The following INTS1 variants were observed in gnomAD, a reference collection of about 807,000 sequenced individuals.
INTS1 encodes the protein integrator complex subunit 1.
INTS1 carries 137 observed loss-of-function variants against 241.6 expected under a neutral mutation model. The observed-to-expected ratio is 0.57, with a 90% CI of 0.49 to 0.65. The LOEUF is 0.65. INTS1 is among the 30% of genes least tolerant of loss of function. INTS1 has a pLI of 0.00. For synonymous variants in INTS1, 1,692 were observed against 1,337.8 expected (o/e 1.26, Z -5.78); for missense variants, 3,073 against 3,032.2 (o/e 1.01, Z -0.32).
chr7:1,492,900 A>ATG, intron 16 of INTS1, 110 bp downstream of exon 16: 7 of 436,078 alleles, frequency 1.6e-5, no homozygotes, highest in South Asian at 7.7e-5. Context: ...AGCGGGGCGC[A>ATG]GGCTTACCCG....
rs1263058597 is a variant in INTS1 at position 1,483,730 on chromosome 7, G to T, written c.3541+12C>A. 14 of 1,605,590 alleles carry T rather than the reference G, an allele frequency of 8.7e-6. No homozygotes were observed. Among genetic ancestry groups the T allele is most frequent in the Non-Finnish European group, 1.1e-5 (13 of 1,176,150 alleles). ...CACGAAGCTGCCCCTCCCGGGGCCT[G>T]TGGCGGCTCACCTCGAGGCGGGCCC... is the stretch of plus-strand genomic sequence containing the variant. On this transcript the variant is annotated intron_variant, in intron 26 of 47. Transcript: ENST00000404767.
chr7:1,480,447 G>A lies in INTS1; in HGVS notation c.3950-6C>T, dbSNP rs201399039. 176 of 1,611,820 alleles carry A rather than the reference G, an allele frequency of 1.1e-4. 1 individual carries two copies. In the Admixed American group the frequency reaches 2.8e-3, roughly 26 times the overall value. Reference sequence around the variant, plus strand: ...TTTGGGTGCCTCTGTGCTGTCTGCAGAGACAGGAGAACTGTCAGTGGCTGG... The same window carrying A: ...TTTGGGTGCCTCTGTGCTGTCTGCAAAGACAGGAGAACTGTCAGTGGCTGG... On this transcript the variant is annotated splice_region_variant and splice_polypyrimidine_tract_variant and intron_variant, in intron 29 of 47. Transcript: ENST00000404767.
chr7:1,475,570 G>A lies in INTS1; in HGVS notation c.5502+378C>T, dbSNP rs528207525. ...GGGAGGCCCAGCTCTCCCCACCAGG[G>A]TCACTGGAGAGGAGCAGACGCAGCC... On this transcript the variant is annotated intron_variant, in intron 39 of 47. Transcript: ENST00000404767. 5.9e-4 allele frequency among the ~76,000 whole-genome samples: 90 copies of A among 152,270 alleles called. 1 individual carries two copies. Among genetic ancestry groups the A allele is most frequent in the African/African-American group, 1.9e-3 (81 of 41,570 alleles).
At chr7:1,489,534 A>T in intron 17 of INTS1, 57 bp downstream of exon 17, 1 of 1,521,722 alleles carries the variant, frequency 6.6e-7, no homozygotes, top group Non-Finnish European at 8.9e-7. Context: ...AACTGCCCCA[A>T]AGGAATAAGG....
At position 1,477,912 on chromosome 7, in the gene INTS1, C is replaced by A; in HGVS notation, c.4655G>T (p.Arg1552Met). 6.2e-7 allele frequency: 1 copy of A among 1,612,592 alleles called. No individual in the cohort carries two copies. The highest frequency in any genetic ancestry group is 8.5e-7 in the Non-Finnish European group (1 of 1,179,828). ...SKVLQGLIEV[R>M]SPHLEELLTA... ...CAGCAGCTCCTCCAGGTGGGGGGAC[C>A]TCACCTCGATCAGCCCCTGGAGGAC... The change falls in exon 34 of 48, where the codon AGG becomes ATG. Residue 1552 changes from arginine (R) to methionine (M), a missense_variant. Arg to Met is a moderately conservative substitution (Grantham distance 91). Transcript: ENST00000404767.
intron 40 of INTS1, 78 bp from the exon 41 acceptor site, chr7:1,474,438 C>T: frequency 1.4e-6 from 2 of 1,432,354 alleles, no homozygotes; most frequent in Non-Finnish European, 1.9e-6. Context: ...GCCCCACTGC[C>T]TGCCCCGGGA....
At position 1,482,549 on chromosome 7, in the gene INTS1, C is replaced by T. The variant is rs370488810; in HGVS notation, c.3700G>A (p.Ala1234Thr). The change falls in exon 27 of 48, where the codon GCC becomes ACC. Residue 1234 changes from alanine (A) to threonine (T), a missense_variant. Coordinates refer to ENST00000404767, the MANE Select transcript of INTS1 (RefSeq NM_001080453.3). Reference protein sequence around the residue: ...IRSEVLRLVDAALQDLEPQQL... With the variant: ...IRSEVLRLVDTALQDLEPQQL... The stretch of plus-strand genomic sequence containing the variant: ...CCAAGCCCAGCCTGGACCGTACCGG[C>T]GTCCACCAGGCGGAGCACCTCAGAA... 1.2e-5 allele frequency: 19 copies of T among 1,607,090 alleles called. No homozygotes were observed. Among genetic ancestry groups the T allele is most frequent in the South Asian group, 7.7e-5 (7 of 90,680 alleles).
intron 29 of INTS1, among the ~76,000 whole-genome samples, 175 bp downstream of exon 29, chr7:1,480,660 C>T (rs1781949867): frequency 6.6e-6 from 1 of 152,194 alleles, no homozygotes; most frequent in South Asian, 2.1e-4. Flanking sequence ...GAGGCAAATG[C>T]TGCCCAAAGA....
chr7:1,495,925 G>A (rs1042999746), intron 12 of INTS1, among the ~76,000 whole-genome samples: 1 of 152,204 alleles, frequency 6.6e-6, no homozygotes, highest in Non-Finnish European at 1.5e-5. Flanking sequence ...GCCAGAACTG[G>A]AGCACACAAA....
In INTS1 at chr7:1,473,671, T is replaced by A; in HGVS notation, c.5852A>T (p.His1951Leu). ...AAACTTGTTGATGAAGGCAGCCAGA[T>A]GGCGGGAGGACTTCCTGTAATTCTG... is the stretch of plus-strand genomic sequence containing the variant. ...LLLNYRKSSR[H>L]LAAFINKFVQ... Residue 1951 changes from histidine to leucine, a missense_variant, in exon 42 of 48, where the codon CAT becomes CTT. Physicochemically the swap from His to Leu is moderately conservative, Grantham distance 99 (BLOSUM62 -3). Coordinates refer to ENST00000404767, the MANE Select transcript of INTS1 (RefSeq NM_001080453.3). 1 of 1,613,316 alleles carries A rather than the reference T, an allele frequency of 6.2e-7. No individual in the cohort carries two copies. Among genetic ancestry groups the A allele is most frequent in the Non-Finnish European group, 8.5e-7 (1 of 1,179,762 alleles).
chr7:1,498,205 G>C, intron 10 of INTS1: 1 of 728,246 alleles, frequency 1.4e-6, no homozygotes, highest in Non-Finnish European at 2.2e-6. Flanking sequence ...CAGTTTCTGA[G>C]AAAGACGCTG....
chr7:1,471,204 C>A lies in INTS1; in HGVS notation c.6276G>T (p.Met2092Ile). Residue 2092 changes from methionine to isoleucine, a missense_variant, in exon 46 of 48, where the codon ATG becomes ATT. By Grantham distance (10) the Met-to-Ile change is conservative. Transcript: ENST00000404767. ...SFFSTNLQRLMSSAEECCRNL... is the reference protein window; with the variant it reads ...SFFSTNLQRLISSAEECCRNL... ...TGCGGCAACACTCCTCGGCCGAGCT[C>A]ATCAGCCGCTGCAGGTTGGTCTGAC... 6.3e-7 allele frequency: 1 copy of A among 1,580,426 alleles called. No homozygotes were observed. The highest frequency in any genetic ancestry group is 2.3e-5 in the East Asian group (1 of 42,912).
In INTS1 at chr7:1,476,921, GGGGA is replaced by G. The variant is rs1357028578; in HGVS notation, c.4939-7_4939-4del. On this transcript the variant is annotated splice_polypyrimidine_tract_variant and splice_region_variant and intron_variant, in intron 35 of 47. Transcript: ENST00000404767. ...GGCACCTGGGCCTGACCTTTGCCCTGGGGAGGGAGGAAGAAGCCCGGATGGCCTC... is the reference window on the plus strand; with the variant it reads ...GGCACCTGGGCCTGACCTTTGCCCTGGGGAGGAAGAAGCCCGGATGGCCTC... The G allele has an allele frequency of 1.2e-6, 2 of 1,608,916 alleles. No homozygotes were observed. The highest frequency in any genetic ancestry group is 2.7e-5 in the African/African-American group (2 of 74,898).
At chr7:1,472,423 CGG>C in intron 43 of INTS1, 37 bp from the exon 44 acceptor site, 1 of 1,431,268 alleles carries the variant, frequency 7.0e-7, no homozygotes, top group Non-Finnish European at 9.4e-7. Flanking sequence ...AGGGCGGGAG[CGG>C]CAGGACGTGC....
intron 20 of INTS1, 75 bp from the exon 21 acceptor site, chr7:1,487,176 G>A (rs753865650): frequency 2.2e-5 from 33 of 1,518,726 alleles, no homozygotes; most frequent in African/African-American, 8.3e-5. Flanking sequence ...GGGTGACCGC[G>A]GAGCCGGAAA....
chr7:1,486,554 C>T lies in INTS1; in HGVS notation c.2976+71G>A, dbSNP rs548089274. 226 of 1,512,262 alleles carry T rather than the reference C, an allele frequency of 1.5e-4. 1 individual carries two copies. The East Asian group carries it at 2.3e-3, about 16-fold the overall frequency. The allele number at this position is 1,512,262 out of a possible 1,614,324, so 93.7% of individuals were successfully genotyped here. On this transcript the variant is annotated intron_variant, in intron 22 of 47. Coordinates refer to ENST00000404767, the MANE Select transcript of INTS1 (RefSeq NM_001080453.3). ...TGCTGGGATGACAGGCGTGAGCCACCGTGCCCGGTCCCCAGCCTACTCATT... is the reference window on the plus strand; with the variant it reads ...TGCTGGGATGACAGGCGTGAGCCACTGTGCCCGGTCCCCAGCCTACTCATT...
At chr7:1,495,028 C>A (rs1418946976) in intron 13 of INTS1, 135 bp from the exon 14 acceptor site, 2 of 994,156 alleles carry the variant, frequency 2.0e-6, no homozygotes, top group Non-Finnish European at 3.0e-6. Context: ...AAGCTCAGCA[C>A]CTCCTCACAG....
Position 1,499,590 on chromosome 7 carries a change from T to A in INTS1, c.727A>T (p.Ser243Cys). ...DSLGERIWVD[S>C]PHCKTFVDNI... ...TCCACAAACGTCTTACAGTGAGGGC[T>A]GTCCACCCAGATCCGCTCCCCCAGG... Residue 243 changes from serine (S) to cysteine (C), a missense_variant, in exon 6 of 48, where the codon AGC (serine) becomes TGC (cysteine). Coordinates refer to ENST00000404767, the MANE Select transcript of INTS1 (RefSeq NM_001080453.3). 6.2e-7 allele frequency: 1 copy of A among 1,613,390 alleles called. No homozygotes were observed.
At chr7:1,483,391 C>T (rs1782089494) in intron 26 of INTS1, 1 of 389,972 alleles carries the variant, frequency 2.6e-6, no homozygotes, top group Admixed American at 3.7e-5. Context: ...TCATGTCGCA[C>T]CTCCACACGG....
Sources: allele counts gnomAD v4.1 joint callset (sites outside exome capture counted in the v4.1 genomes callset), GRCh38; gene constraint gnomAD v4.1.1; transcripts MANE v1.5; gene names NCBI Gene and HGNC (gene_info 2026-07-23, HGNC 2026-07-21).